The following VSX1 variants were observed in gnomAD, a reference collection of about 807,000 sequenced individuals.
The protein encoded by VSX1 is visual system homeobox 1.
A neutral mutation model predicts 23.6 loss-of-function variants in VSX1; 23 were observed. That is an observed-to-expected ratio of 0.97 (90% CI 0.70 to 1.38). The LOEUF is 1.38. VSX1 is among the 40% of genes most tolerant of loss of function. The pLI, the probability that VSX1 is intolerant of heterozygous loss-of-function variation, is 0.00. For synonymous variants in VSX1, 247 were observed against 215.1 expected (o/e 1.15, Z -1.30); for missense variants, 517 against 495.4 (o/e 1.04, Z -0.41).
At position 25,078,879 on chromosome 20, in the gene VSX1, C is replaced by T. The variant is rs2089572919; in HGVS notation, c.577G>A (p.Ala193Thr). The T allele has an allele frequency of 1.9e-6, 3 of 1,614,216 alleles. No individual in the cohort carries two copies. The highest frequency in any genetic ancestry group is 1.3e-5 in the African/African-American group (1 of 75,046). ...FSEAHYPDVYAREMLAVKTEL... is the reference protein window; with the variant it reads ...FSEAHYPDVYTREMLAVKTEL... Reference sequence around the variant, plus strand: ...GTTTTCACAGCCAGCATTTCTCGGGCATACACATCAGGGTAGTGGGCCTCG... The same window carrying T: ...GTTTTCACAGCCAGCATTTCTCGGGTATACACATCAGGGTAGTGGGCCTCG... Residue 193 changes from alanine to threonine, a missense_variant, in exon 3 of 5, where the codon GCC (alanine) becomes ACC (threonine). By Grantham distance (58) the Ala-to-Thr change is moderately conservative. Transcript: ENST00000376709.
intron 4 of VSX1, among the ~76,000 whole-genome samples, 183 bp downstream of exon 4, chr20:25,077,502 G>C (rs2089525498): frequency 6.6e-6 from 1 of 152,152 alleles, no homozygotes; most frequent in Non-Finnish European, 1.5e-5. Flanking sequence ...TGAAAAATGA[G>C]GCAACCATCC....
downstream of VSX1, chr20:25,071,866 A>G (rs903278588): frequency 4.3e-5 from 31 of 716,224 alleles, no homozygotes; most frequent in East Asian, 1.3e-4. Context: ...CTGAGGCAGA[A>G]CAATGCTACC....
chr20:25,080,754 A>G (rs2089622042), intron 1 of VSX1, among the ~76,000 whole-genome samples: 1 of 152,210 alleles, frequency 6.6e-6, no homozygotes, highest in African/African-American at 2.4e-5. Context: ...GTTTCATTTT[A>G]TCTTACGTAG....
intron 4 of VSX1, 96 bp downstream of exon 4, chr20:25,077,588 CT>C (rs751036823): frequency 4.7e-5 from 68 of 1,436,624 alleles, no homozygotes; most frequent in Non-Finnish European, 6.3e-5. Flanking sequence ...ACTGACGTTG[CT>C]TTGCTTTGGA....
Position 25,075,789 on chromosome 20 carries a change from A to G in VSX1, c.*472T>C, listed in dbSNP as rs2089475409. On this transcript the variant is annotated 3_prime_UTR_variant, in exon 5 of 5. Transcript: ENST00000376709. ...ATTGAAATATCCAAGGCCAAGTTCA[A>G]GGTAAAGACAATATAATTCATTCAT... The G allele has an allele frequency of 1.3e-5, 2 of 157,398 alleles. No homozygotes were observed. Among genetic ancestry groups the G allele is most frequent in the Non-Finnish European group, 2.8e-5 (2 of 72,514 alleles). 9.8% of individuals were successfully genotyped at this position (157,398 alleles called of 1,614,324 possible). A position where few individuals can be genotyped will look rare whatever the true frequency, so the allele number is the denominator to read the frequency against.
chr20:25,072,870 A>G (rs543280803), downstream of VSX1, among the ~76,000 whole-genome samples: 15 of 152,326 alleles, frequency 9.8e-5, no homozygotes, highest in African/African-American at 3.4e-4. Flanking sequence ...ACTGGTTCCT[A>G]TTAAGAATGT....
intron 1 of VSX1, chr20:25,081,366 G>A (rs1600389061): frequency 3.0e-6 from 2 of 667,280 alleles, no homozygotes; most frequent in East Asian, 6.3e-5. Flanking sequence ...GGGGAAAAAT[G>A]GCCCTCTGGA....
At chr20:25,074,056 GATA>G (rs367655250), downstream of VSX1, among the ~76,000 whole-genome samples, 132 of 152,298 alleles carry the variant, frequency 8.7e-4, no homozygotes, top group African/African-American at 3.0e-3. Context: ...GTCAAAAAAT[GATA>G]ATGATAAACT....
At chr20:25,071,253 G>T (rs527587990), downstream of VSX1, 234 of 453,360 alleles carry the variant, frequency 5.2e-4, no homozygotes, top group South Asian at 8.5e-4. Flanking sequence ...AGCCGAAGGG[G>T]ATGCCCATGT....
At chr20:25,078,791 G>A in intron 3 of VSX1, 38 bp downstream of exon 3, 1 of 1,614,202 alleles carries the variant, frequency 6.2e-7, no homozygotes, top group Non-Finnish European at 8.5e-7. Flanking sequence ...CACGTTCTCT[G>A]TGGTATCTTT....
rs977464918 is a variant in VSX1 at position 25,081,537 on chromosome 20, C to A, written c.424+136G>T. 3.0e-6 allele frequency: 4 copies of A among 1,337,520 alleles called. No individual in the cohort carries two copies. In the African/African-American group the frequency reaches 4.3e-5, roughly 14 times the overall value. The allele number at this position is 1,337,520 out of a possible 1,614,324, so 82.9% of individuals were successfully genotyped here. A position where few individuals can be genotyped will look rare whatever the true frequency, so the allele number is the denominator to read the frequency against. On this transcript the variant is annotated intron_variant, in intron 1 of 4. Coordinates refer to ENST00000376709, the MANE Select transcript of VSX1 (RefSeq NM_014588.6). ...AGCTCCGCGAATGCCCCTCCCGCGA[C>A]GGGGCCTCGCTCTGGGCTCCCCGCC...
chr20:25,072,668 T>G (rs1035458459), downstream of VSX1: 1 of 471,068 alleles, frequency 2.1e-6, no homozygotes, highest in African/African-American at 2.0e-5. Flanking sequence ...AGATAATGAA[T>G]TTGAACATGA....
In VSX1 at chr20:25,081,713, C is replaced by T. The variant is rs781521424; in HGVS notation, c.384G>A (p.Ala128=). Residue 128 remains alanine, a synonymous_variant, in exon 1 of 5, where the codon GCG becomes GCA. Coordinates refer to ENST00000376709, the MANE Select transcript of VSX1 (RefSeq NM_014588.6). ...APLAPSRPPP[A]LGRQKRSDSV... Reference sequence around the variant, plus strand: ...TGTCGCTGCGCTTCTGGCGGCCGAGCGCAGGCGGCGGACGGCTGGGAGCCA... The same window carrying T: ...TGTCGCTGCGCTTCTGGCGGCCGAGTGCAGGCGGCGGACGGCTGGGAGCCA... The T allele has an allele frequency of 1.3e-6, 2 of 1,501,958 alleles. No individual in the cohort carries two copies. Among genetic ancestry groups the T allele is most frequent in the Non-Finnish European group, 1.8e-6 (2 of 1,133,692 alleles). The allele number at this position is 1,501,958 out of a possible 1,614,324, so 93.0% of individuals were successfully genotyped here.
downstream of VSX1, among the ~76,000 whole-genome samples, chr20:25,074,377 C>T (rs2089443584): frequency 1.3e-5 from 2 of 152,142 alleles, no homozygotes; most frequent in African/African-American, 4.8e-5. Flanking sequence ...TATTAACCTG[C>T]CATATTGAAG....
rs1327497556 is a variant in VSX1, at chr20:25,079,423, C to T, written c.503+13G>A. 1.2e-6 allele frequency: 2 copies of T among 1,608,916 alleles called. No homozygotes were observed. The highest frequency in any genetic ancestry group is 1.7e-6 in the Non-Finnish European group (2 of 1,178,210). On this transcript the variant is annotated intron_variant, in intron 2 of 4. Coordinates refer to ENST00000376709, the MANE Select transcript of VSX1 (RefSeq NM_014588.6). Reference sequence around the variant, plus strand: ...GAGGAAAGGCAGGCAGAGGGGACTGCCTGGCCCTATACCTGTGCCGCCGCT... The same window carrying T: ...GAGGAAAGGCAGGCAGAGGGGACTGTCTGGCCCTATACCTGTGCCGCCGCT...
chr20:25,081,332 G>A, intron 1 of VSX1: 2 of 561,436 alleles, frequency 3.6e-6, no homozygotes, highest in South Asian at 1.5e-5. Flanking sequence ...GCTGCCAGAG[G>A]CGGAGACTGG....
rs557389022 is a variant in VSX1, at chr20:25,075,676, G to A, written c.*585C>T. On this transcript the variant is annotated 3_prime_UTR_variant, in exon 5 of 5. Transcript: ENST00000376709. ...CTATTTTTAAAGGAAATGCAGAAACGACTAGAGTATGGGTTTCTTTGAATT... is the reference window on the plus strand; with the variant it reads ...CTATTTTTAAAGGAAATGCAGAAACAACTAGAGTATGGGTTTCTTTGAATT... 2 of 152,622 alleles carry A rather than the reference G, an allele frequency of 1.3e-5. No individual in the cohort carries two copies. The highest frequency in any genetic ancestry group is 4.8e-5 in the African/African-American group (2 of 41,542). 9.5% of individuals were successfully genotyped at this position (152,622 alleles called of 1,614,324 possible).
chr20:25,077,896 A>T, intron 3 of VSX1, 31 bp from the exon 4 acceptor site: 2 of 1,550,142 alleles, frequency 1.3e-6, no homozygotes, highest in Non-Finnish European at 1.7e-6. Context: ...CAGAAGGCAC[A>T]CAGAAGAGAC....
Position 25,078,656 on chromosome 20 carries a change from G to A in VSX1, c.627+173C>T, listed in dbSNP as rs564352827. The A allele has an allele frequency of 5.0e-4, 776 of 1,560,590 alleles. 4 individuals carry two copies. In the Middle Eastern group the frequency reaches 6.4e-3, roughly 13 times the overall value. On this transcript the variant is annotated intron_variant, in intron 3 of 4. Coordinates refer to ENST00000376709, the MANE Select transcript of VSX1 (RefSeq NM_014588.6). ...CTAAATAATAATAAAATGAAAAAAG[G>A]CATGAGGGTCATAGGGGCAAGCTCT...
Sources: allele counts gnomAD v4.1 joint callset (sites outside exome capture counted in the v4.1 genomes callset), GRCh38; gene constraint gnomAD v4.1.1; transcripts MANE v1.5; gene names NCBI Gene and HGNC (gene_info 2026-07-23, HGNC 2026-07-21).